TBC1D1: variants seen among roughly 807,000 people sequenced by gnomAD.
TBC1D1 encodes TBC1 domain family member 1.
In TBC1D1, 89 loss-of-function variants were observed where a neutral mutation model predicts 125.6. The ratio of observed to expected loss-of-function variants is 0.71; its 90% CI spans 0.60 to 0.85. The LOEUF is 0.85. Among genes scored for constraint, TBC1D1 ranks in the 40% least tolerant of loss-of-function variants. The probability of loss-of-function intolerance (pLI) is 0.00; values close to 1 mark genes in which losing one functional copy is unlikely to be tolerated. For synonymous variants in TBC1D1, 565 were observed against 564.1 expected, an observed-to-expected ratio of 1.00 and a Z score of -0.02; for missense variants, 1,377 against 1,469.2, an observed-to-expected ratio of 0.94 and a Z score of 1.03.
chr4:38,049,732 G>A lies in TBC1D1; in HGVS notation c.1744G>A (p.Ala582Thr), dbSNP rs750632058. 6.2e-6 allele frequency: 10 copies of A among 1,614,046 alleles called. No individual in the cohort carries two copies. ...GGAGAGTCATCTCCCAGAAGAGCCA[G>A]CTCCGCTGTCGCCCCAGCAGGCCTT... is the stretch of plus-strand genomic sequence containing the variant. The change falls in exon 11 of 20, where the codon GCT becomes ACT. Residue 582 changes from alanine to threonine, a missense_variant. Ala to Thr is a moderately conservative substitution (Grantham distance 58, BLOSUM62 0). Coordinates refer to ENST00000261439, the MANE Select transcript of TBC1D1 (RefSeq NM_015173.4).
At chr4:37,931,701 C>T (rs1022611445) in intron 2 of TBC1D1, among the ~76,000 whole-genome samples, 2 of 152,150 alleles carry the variant, frequency 1.3e-5, no homozygotes, top group Non-Finnish European at 2.9e-5. Flanking sequence ...TGGTCTTGAA[C>T]TCTTGACCTC....
At chr4:38,119,313 T>TC (rs71190956) in intron 17 of TBC1D1, among the ~76,000 whole-genome samples, 34 of 151,996 alleles carry the variant, frequency 2.2e-4, no homozygotes, top group Admixed American at 2.2e-3. Flanking sequence ...TCTTTTCCTT[T>TC]CCCCCCAAAT....
rs528694164 is a variant in TBC1D1, at chr4:38,108,308, T to A, written c.2557+5151T>A. On this transcript the variant is annotated intron_variant, in intron 15 of 19. Coordinates refer to ENST00000261439, the MANE Select transcript of TBC1D1 (RefSeq NM_015173.4). ...AACACTTTCCAGCCATCAGCTGCATTCCCCAGTGAGGCGTGCAGCCTCTCC... is the reference window on the plus strand; with the variant it reads ...AACACTTTCCAGCCATCAGCTGCATACCCCAGTGAGGCGTGCAGCCTCTCC... Among the ~76,000 whole-genome samples the A allele has an allele frequency of 2.6e-4, 40 of 152,244 alleles. No individual in the cohort carries two copies. In the East Asian group the frequency reaches 6.7e-3, roughly 26 times the overall value.
At chr4:37,991,242 C>A (rs1453256637) in intron 2 of TBC1D1, among the ~76,000 whole-genome samples, 1 of 148,686 alleles carries the variant, frequency 6.7e-6, no homozygotes, top group Non-Finnish European at 1.5e-5. Flanking sequence ...ACTGACTATA[C>A]ACTGTTAACT....
intron 12 of TBC1D1, among the ~76,000 whole-genome samples, chr4:38,076,870 T>A (rs1217169097): frequency 6.6e-6 from 1 of 152,136 alleles, no homozygotes. Flanking sequence ...TTGGGCTCCT[T>A]TTCTTGAAAT....
rs758080854 is a variant in TBC1D1, at chr4:37,902,260, C to A, written c.165C>A (p.Thr55=). The change falls in exon 2 of 20, where the codon ACC becomes ACA. Residue 55 remains threonine, a synonymous_variant. Coordinates refer to ENST00000261439, the MANE Select transcript of TBC1D1 (RefSeq NM_015173.4). The stretch of plus-strand genomic sequence containing the variant: ...TGCGAAGACTCAGCAGGCAGTCCAC[C>A]AGAAAGGAACCTGTAACCAAGCAAG... 6.2e-6 allele frequency: 10 copies of A among 1,614,020 alleles called. No homozygotes were observed. The South Asian group carries it at 1.1e-4, about 18-fold the overall frequency.
intron 19 of TBC1D1, among the ~76,000 whole-genome samples, chr4:38,134,162 A>G (rs770142022): frequency 2.7e-4 from 41 of 152,218 alleles, no homozygotes; most frequent in Non-Finnish European, 5.6e-4. Flanking sequence ...TGTCCTGAGA[A>G]TAAGTTCCAT....
chr4:38,009,283 A>C (rs1341155806), intron 2 of TBC1D1, among the ~76,000 whole-genome samples: 1 of 152,202 alleles, frequency 6.6e-6, no homozygotes, highest in Admixed American at 6.5e-5. Context: ...ATTTCATCTA[A>C]GGGAAAAAAC....
chr4:38,044,719 T>A (rs913906211), intron 9 of TBC1D1, among the ~76,000 whole-genome samples: 2 of 152,212 alleles, frequency 1.3e-5, no homozygotes, highest in African/African-American at 4.8e-5. Context: ...TCCAATGGGA[T>A]TTTTTTGCCG....
chr4:38,080,873 G>A (rs931189034), intron 12 of TBC1D1, among the ~76,000 whole-genome samples: 2 of 152,084 alleles, frequency 1.3e-5, no homozygotes, highest in Non-Finnish European at 2.9e-5. Context: ...ATGCATGATT[G>A]GTCACAGGAA....
At chr4:37,981,596 G>A (rs1181942754) in intron 2 of TBC1D1, among the ~76,000 whole-genome samples, 1 of 152,174 alleles carries the variant, frequency 6.6e-6, no homozygotes, top group East Asian at 1.9e-4. Context: ...TGCAGGGGTG[G>A]CATTCCATCT....
At chr4:37,911,131 CTTTTT>C (rs71658745) in intron 2 of TBC1D1, among the ~76,000 whole-genome samples, 11 of 94,886 alleles carry the variant, frequency 1.2e-4, no homozygotes, top group Admixed American at 3.7e-4. Context: ...TCCCCTCCTC[CTTTTT>C]TTTTTTTTTT....
At chr4:38,010,915 A>T (rs1346556198) in intron 2 of TBC1D1, among the ~76,000 whole-genome samples, 1 of 152,202 alleles carries the variant, frequency 6.6e-6, no homozygotes, top group Non-Finnish European at 1.5e-5. Flanking sequence ...GCATCTAGAG[A>T]TGCCTAGAAA....
intron 12 of TBC1D1, among the ~76,000 whole-genome samples, chr4:38,067,673 G>A (rs973912474): frequency 2.0e-5 from 3 of 152,146 alleles, no homozygotes; most frequent in Non-Finnish European, 2.9e-5. Flanking sequence ...TTCATTCTCC[G>A]TCAGAGAAAC....
intron 12 of TBC1D1, among the ~76,000 whole-genome samples, chr4:38,057,421 A>T (rs1751931772): frequency 6.6e-6 from 1 of 152,132 alleles, no homozygotes; most frequent in African/African-American, 2.4e-5. Context: ...CATCTCCGGC[A>T]GCTCCTGCAG....
intron 2 of TBC1D1, among the ~76,000 whole-genome samples, chr4:37,917,965 C>T (rs1425230859): frequency 2.0e-5 from 3 of 152,088 alleles, no homozygotes; most frequent in Admixed American, 2.0e-4. Flanking sequence ...AAGATGATCC[C>T]CTGAGGAGCT....
Position 38,014,892 on chromosome 4 carries a change from C to A in TBC1D1, c.801C>A (p.Ser267Arg), listed in dbSNP as rs746363297. 6.2e-7 allele frequency: 1 copy of A among 1,603,568 alleles called. No individual in the cohort carries two copies. The highest frequency in any genetic ancestry group is 1.7e-4 in the Middle Eastern group (1 of 6,030). ...GCTTCTTCAGCTCCTTCGAGGAGAG[C>A]GACATTGAGAACCACCTCATTAGCG... The change falls in exon 3 of 20, where the codon AGC becomes AGA. Residue 267 changes from serine (S) to arginine (R), a missense_variant. Around this residue, in one of 3 missense-constraint regions of TBC1D1, gnomAD observed 822 missense variants for 824.6 expected, o/e 1.00. Coordinates refer to ENST00000261439, the MANE Select transcript of TBC1D1 (RefSeq NM_015173.4). The surrounding 1 kb of genome is among the most constrained non-coding windows in gnomAD (Gnocchi z 5.1).
intron 12 of TBC1D1, among the ~76,000 whole-genome samples, chr4:38,055,453 T>A (rs1011655556): frequency 1.3e-5 from 2 of 152,174 alleles, no homozygotes; most frequent in South Asian, 2.1e-4. Flanking sequence ...ACATTTTTTT[T>A]AAAGCATTCA....
chr4:37,931,712 G>A (rs370826610), intron 2 of TBC1D1, among the ~76,000 whole-genome samples: 3 of 152,082 alleles, frequency 2.0e-5, no homozygotes, highest in East Asian at 1.9e-4. Context: ...TCTTGACCTC[G>A]TGATCCACCC....
Sources: allele counts gnomAD v4.1 joint callset (sites outside exome capture counted in the v4.1 genomes callset), GRCh38; gene constraint gnomAD v4.1.1; regional missense constraint gnomAD v4.1.1; non-coding constraint Gnocchi (gnomAD v3.1); transcripts MANE v1.5; gene names NCBI Gene and HGNC (gene_info 2026-07-23, HGNC 2026-07-21).